GRIN2A: variants seen among roughly 807,000 people sequenced by gnomAD.
GRIN2A encodes the protein glutamate receptor ionotropic, NMDA 2A.
A neutral mutation model predicts 113.4 loss-of-function variants in GRIN2A; 22 were observed. The observed-to-expected ratio is 0.19, with a 90% CI of 0.14 to 0.28. GRIN2A has a LOEUF of 0.28. GRIN2A is among the 10% of genes least tolerant of loss of function. The pLI, the probability that GRIN2A is intolerant of heterozygous loss-of-function variation, is 1.00. For missense variants in GRIN2A, 1,502 were observed against 1,887.0 expected (o/e 0.80, Z 3.78); for synonymous variants, 827 against 738.4 (o/e 1.12, Z -1.94).
At chr16:10,069,193 G>C (rs895723971) in intron 2 of GRIN2A, among the ~76,000 whole-genome samples, 4 of 152,200 alleles carry the variant, frequency 2.6e-5, no homozygotes, top group Non-Finnish European at 4.4e-5. Context: ...GACCAGTGGA[G>C]GCTGCTTCAT....
intron 2 of GRIN2A, among the ~76,000 whole-genome samples, chr16:10,011,665 A>C (rs2046508076): frequency 6.6e-6 from 1 of 152,108 alleles, no homozygotes; most frequent in South Asian, 2.1e-4. Flanking sequence ...AGCACCCTTG[A>C]AACATGCTAA....
At chr16:9,973,694 A>G (rs995168704) in intron 2 of GRIN2A, among the ~76,000 whole-genome samples, 1 of 152,202 alleles carries the variant, frequency 6.6e-6, no homozygotes, top group Non-Finnish European at 1.5e-5. Context: ...CACATTATAT[A>G]TAGAGAACAA....
At chr16:10,015,314 G>GAAAT (rs1232466453) in intron 2 of GRIN2A, among the ~76,000 whole-genome samples, 1 of 103,370 alleles carries the variant, frequency 9.7e-6, no homozygotes, top group Non-Finnish European at 2.2e-5. Flanking sequence ...AGAAAAAAAA[G>GAAAT]AAATAACTAG....
At chr16:10,141,754 A>G (rs1198148220) in intron 2 of GRIN2A, among the ~76,000 whole-genome samples, 1 of 152,264 alleles carries the variant, frequency 6.6e-6, no homozygotes, top group African/African-American at 2.4e-5. Flanking sequence ...TGCCATCCTC[A>G]GGGCACCTCT....
chr16:9,808,063 G>T (rs938237017), intron 10 of GRIN2A, among the ~76,000 whole-genome samples: 7 of 152,182 alleles, frequency 4.6e-5, no homozygotes, highest in African/African-American at 1.7e-4. Context: ...CTTTTCAAGG[G>T]TTGAGGTCAG....
At chr16:9,812,762 C>G (rs1327888626) in intron 10 of GRIN2A, among the ~76,000 whole-genome samples, 1 of 152,108 alleles carries the variant, frequency 6.6e-6, no homozygotes, top group Non-Finnish European at 1.5e-5. Flanking sequence ...CTCACACTCA[C>G]TGTAATAGAA....
chr16:10,049,775 G>C (rs891165226), intron 2 of GRIN2A, among the ~76,000 whole-genome samples: 6 of 152,152 alleles, frequency 3.9e-5, no homozygotes, highest in Non-Finnish European at 7.3e-5. Flanking sequence ...TTGTTTGTCT[G>C]TCTCTCCTGA....
At chr16:9,993,639 G>A (rs2141823896) in intron 2 of GRIN2A, among the ~76,000 whole-genome samples, 1 of 152,192 alleles carries the variant, frequency 6.6e-6, no homozygotes, top group African/African-American at 2.4e-5. Flanking sequence ...AATCTCTCCT[G>A]TGCAATGGGC....
chr16:9,903,135 A>T lies in GRIN2A; in HGVS notation c.1008-12035T>A, dbSNP rs894782995. 3.3e-5 allele frequency among the ~76,000 whole-genome samples: 5 copies of T among 151,482 alleles called. No individual in the cohort carries two copies. In the East Asian group the frequency reaches 5.9e-4, roughly 18 times the overall value. ...AATCGCGTGCCACCATGCCCAGCTA[A>T]TTTTTTTGTATTTTTAGTAGAGACG... On this transcript the variant is annotated intron_variant, in intron 3 of 12. Coordinates refer to ENST00000330684, the MANE Select transcript of GRIN2A (RefSeq NM_001134407.3).
chr16:9,959,557 G>C (rs1392149000), intron 2 of GRIN2A, among the ~76,000 whole-genome samples: 1 of 152,238 alleles, frequency 6.6e-6, no homozygotes, highest in Admixed American at 6.5e-5. Flanking sequence ...CTTCACCTGG[G>C]ATGATTTATT....
intron 2 of GRIN2A, among the ~76,000 whole-genome samples, chr16:9,967,371 TTATA>T (rs1383549011): frequency 1.3e-5 from 2 of 152,148 alleles, no homozygotes; most frequent in Non-Finnish European, 2.9e-5. Context: ...ATGTTCTCAC[TTATA>T]AGTGGGAGCT....
At chr16:10,050,721 C>T (rs1180362655) in intron 2 of GRIN2A, among the ~76,000 whole-genome samples, 1 of 151,910 alleles carries the variant, frequency 6.6e-6, no homozygotes, top group Non-Finnish European at 1.5e-5. Flanking sequence ...ATTCCAAAAC[C>T]ATCAGCCCAA....
chr16:9,998,958 A>C (rs2046275086), intron 2 of GRIN2A, among the ~76,000 whole-genome samples: 1 of 152,192 alleles, frequency 6.6e-6, no homozygotes, highest in South Asian at 2.1e-4. Flanking sequence ...GGTGTGGAAT[A>C]TACAAAGAAT....
At chr16:10,124,851 G>T (rs995357596) in intron 2 of GRIN2A, among the ~76,000 whole-genome samples, 1 of 152,186 alleles carries the variant, frequency 6.6e-6, no homozygotes, top group African/African-American at 2.4e-5. Context: ...CTATGGAAAA[G>T]GTTAGCAGGA....
intron 2 of GRIN2A, among the ~76,000 whole-genome samples, chr16:10,038,803 G>C (rs962886235): frequency 5.3e-5 from 8 of 150,940 alleles, no homozygotes; most frequent in Admixed American, 5.3e-4. Context: ...AGCCGAGATC[G>C]CGCCACTGCA....
intron 2 of GRIN2A, among the ~76,000 whole-genome samples, chr16:10,136,741 C>T (rs2049198644): frequency 6.6e-6 from 1 of 152,162 alleles, no homozygotes; most frequent in Non-Finnish European, 1.5e-5. Flanking sequence ...ATAGCAGCTA[C>T]CATTTATGGG....
At chr16:9,939,517 C>T (rs992604171) in intron 2 of GRIN2A, among the ~76,000 whole-genome samples, 3 of 152,142 alleles carry the variant, frequency 2.0e-5, no homozygotes, top group Non-Finnish European at 4.4e-5. Context: ...CACCCATCTA[C>T]GATTGTGAGA....
chr16:9,823,310 G>T (rs2042323762), intron 9 of GRIN2A, among the ~76,000 whole-genome samples: 1 of 152,134 alleles, frequency 6.6e-6, no homozygotes, highest in Admixed American at 6.6e-5. Flanking sequence ...CTGGCTGGTT[G>T]GAAAATTGGG....
intron 4 of GRIN2A, among the ~76,000 whole-genome samples, chr16:9,851,415 T>G (rs143789663): frequency 6.6e-5 from 10 of 152,198 alleles, no homozygotes; most frequent in Non-Finnish European, 1.5e-4. Context: ...TCATTCGACA[T>G]AGATTTATTG....
Sources: gnomAD v4.1 joint callset for allele counts (sites outside exome capture counted in the v4.1 genomes callset) on GRCh38, gnomAD v4.1.1 for gene constraint, MANE v1.5 for transcripts, NCBI Gene and HGNC (gene_info 2026-07-23, HGNC 2026-07-21) for gene names.